The following CTDP1 variants were observed in gnomAD, a reference collection of about 807,000 sequenced individuals.
CTDP1 encodes RNA polymerase II subunit A C-terminal domain phosphatase.
CTDP1 carries 47 observed loss-of-function variants against 91.8 expected under a neutral mutation model. That is an observed-to-expected ratio of 0.51 (90% CI 0.41 to 0.65). CTDP1 has a LOEUF of 0.65. Among genes scored for constraint, CTDP1 ranks in the 30% least tolerant of loss-of-function variants. The probability of loss-of-function intolerance (pLI) is 0.00; values close to 1 mark genes in which losing one functional copy is unlikely to be tolerated. For missense variants in CTDP1, 1,272 were observed against 1,373.7 expected, an observed-to-expected ratio of 0.93 and a Z score of 1.17; for synonymous variants, 656 against 598.5, an observed-to-expected ratio of 1.10 and a Z score of -1.40.
rs530806 is a variant in CTDP1, at chr18:79,707,811, C to G, written c.773-2535C>G. Among the ~76,000 whole-genome samples, 672 of 152,096 alleles carry G rather than the reference C, an allele frequency of 4.4e-3. 3 individuals carry two copies. The highest frequency in any genetic ancestry group is 0.015 in the African/African-American group (606 of 41,498). The stretch of plus-strand genomic sequence containing the variant: ...TACAAGTGAGAAAGTGAGGTCCGGA[C>G]TGAAGCCTGAGGTGGTCGCCGAGCA... On this transcript the variant is annotated intron_variant, in intron 5 of 12. Transcript: ENST00000613122.
chr18:79,690,420 T>A (rs1247447727), intron 1 of CTDP1, among the ~76,000 whole-genome samples: 1 of 152,236 alleles, frequency 6.6e-6, no homozygotes, highest in African/African-American at 2.4e-5. Flanking sequence ...GGTGACTGAT[T>A]GGACGTTTTT....
At chr18:79,738,034 G>A (rs909786933) in intron 12 of CTDP1, among the ~76,000 whole-genome samples, 7 of 7,306 alleles carry the variant, frequency 9.6e-4, no homozygotes, top group East Asian at 6.2e-3. Context: ...CCCCCCGCCC[G>A]CCCTGCTCAC....
At chr18:79,697,333 G>A (rs1298652917) in intron 3 of CTDP1, among the ~76,000 whole-genome samples, 3 of 117,322 alleles carry the variant, frequency 2.6e-5, no homozygotes, top group South Asian at 2.4e-4. Flanking sequence ...CGGGGTGACC[G>A]GGCCCTTGTT....
chr18:79,695,353 G>T (rs756533942), intron 2 of CTDP1, 45 bp downstream of exon 2: 1 of 1,575,962 alleles, frequency 6.3e-7, no homozygotes, highest in Non-Finnish European at 8.7e-7. Flanking sequence ...GGGGCTCGAG[G>T]TGGTGGCCTC....
intron 4 of CTDP1, among the ~76,000 whole-genome samples, chr18:79,703,978 T>C (rs989858421): frequency 2.6e-5 from 4 of 152,098 alleles, no homozygotes; most frequent in African/African-American, 9.7e-5. Flanking sequence ...GAGTAGTTAG[T>C]GTAGCTGTCA....
intron 12 of CTDP1, among the ~76,000 whole-genome samples, chr18:79,747,204 G>A (rs1683827909): frequency 6.6e-6 from 1 of 152,202 alleles, no homozygotes; most frequent in Non-Finnish European, 1.5e-5. Context: ...CCCCGGCCTG[G>A]CAGCAGGCTC....
At chr18:79,726,779 G>A (rs2086452043) in intron 10 of CTDP1, among the ~76,000 whole-genome samples, 1 of 148,180 alleles carries the variant, frequency 6.7e-6, no homozygotes, top group Non-Finnish European at 1.5e-5. Flanking sequence ...ACCATTGCTG[G>A]TGGACGGCTG....
At chr18:79,732,322 GAACT>G (rs965437172) in intron 11 of CTDP1, among the ~76,000 whole-genome samples, 4 of 146,262 alleles carry the variant, frequency 2.7e-5, no homozygotes, top group African/African-American at 7.6e-5. Context: ...TGAGACATGA[GAACT>G]AACATCAGGA....
intron 11 of CTDP1, 73 bp downstream of exon 11, chr18:79,729,142 G>A: frequency 1.9e-6 from 3 of 1,595,110 alleles, no homozygotes; most frequent in Non-Finnish European, 2.6e-6. Flanking sequence ...TGTGCGGGCG[G>A]ATTGCTGAGC....
At chr18:79,753,167 G>T (rs1227183124) in intron 12 of CTDP1, among the ~76,000 whole-genome samples, 2 of 152,268 alleles carry the variant, frequency 1.3e-5, no homozygotes, top group Non-Finnish European at 2.9e-5. Context: ...AGTGGCACCG[G>T]CTGGTTATGC....
At chr18:79,751,965 A>G (rs1188686659) in intron 12 of CTDP1, among the ~76,000 whole-genome samples, 1 of 152,242 alleles carries the variant, frequency 6.6e-6, no homozygotes, top group African/African-American at 2.4e-5. Flanking sequence ...TCAGGGTAAA[A>G]TCAAAACAGG....
intron 1 of CTDP1, among the ~76,000 whole-genome samples, chr18:79,693,019 G>A (rs185202334): frequency 2.0e-5 from 3 of 152,214 alleles, no homozygotes; most frequent in Admixed American, 6.5e-5. Context: ...GTGGATGGAC[G>A]AAAACAGCTC....
chr18:79,703,509 G>A (rs1226755252), intron 4 of CTDP1: 1 of 152,200 alleles, frequency 6.6e-6, no homozygotes, highest in Admixed American at 6.5e-5. Flanking sequence ...CTTTTATGTT[G>A]TATATGTAGA....
chr18:79,746,795 T>A (rs1015973380), intron 12 of CTDP1, among the ~76,000 whole-genome samples: 5 of 152,100 alleles, frequency 3.3e-5, no homozygotes, highest in African/African-American at 1.2e-4. Flanking sequence ...GTTTTTAAAA[T>A]TTTTTTGTAG....
At chr18:79,738,183 G>C (rs2086705329) in intron 12 of CTDP1, among the ~76,000 whole-genome samples, 1 of 152,186 alleles carries the variant, frequency 6.6e-6, no homozygotes. Flanking sequence ...GTAACCCCAG[G>C]TGGCAGCATC....
rs201792595 is a variant in CTDP1 at position 79,722,469 on chromosome 18, ATTAC to A, written c.2417+4456_2417+4459del. On this transcript the variant is annotated intron_variant, in intron 10 of 12. Coordinates refer to ENST00000613122, the MANE Select transcript of CTDP1 (RefSeq NM_004715.5). ...GTGTAATTTGCACCAAAATATCAAT[ATTAC>A]TTCAGTTAATACCAGCTCATTTATA... is the stretch of plus-strand genomic sequence containing the variant. Among the ~76,000 whole-genome samples, 1,054 of 152,338 alleles carry A rather than the reference ATTAC, an allele frequency of 6.9e-3. 10 individuals carry two copies. Among genetic ancestry groups the A allele is most frequent in the African/African-American group, 0.022 (930 of 41,580 alleles).
chr18:79,679,638 C>T (rs2122315761), upstream of CTDP1: 1 of 495,560 alleles, frequency 2.0e-6, no homozygotes, highest in Non-Finnish European at 3.9e-6. Flanking sequence ...ACGGTGCCGG[C>T]GCTCCGAGGA....
chr18:79,713,908 T>G lies in CTDP1; in HGVS notation c.1031-583T>G, dbSNP rs533247463. 2.8e-5 allele frequency among the ~76,000 whole-genome samples: 4 copies of G among 145,006 alleles called. No individual in the cohort carries two copies. The highest frequency in any genetic ancestry group is 3.1e-5 in the Non-Finnish European group (2 of 65,130). The stretch of plus-strand genomic sequence containing the variant: ...CTTACGGCCACGGTGGCGCCAGGTC[T>G]GCAGGGGCTTACGGCCACGGTGGCG... On this transcript the variant is annotated intron_variant, in intron 7 of 12. Coordinates refer to ENST00000613122, the MANE Select transcript of CTDP1 (RefSeq NM_004715.5). This position sits in a 1 kb window ranked among gnomAD's most constrained non-coding sequence, Gnocchi z 4.7.
At chr18:79,684,380 C>T (rs554756058) in intron 1 of CTDP1, among the ~76,000 whole-genome samples, 4 of 152,340 alleles carry the variant, frequency 2.6e-5, no homozygotes, top group African/African-American at 9.6e-5. Flanking sequence ...AGCTTAGTGT[C>T]GGTTACTGAG....
Sources: allele counts gnomAD v4.1 joint callset (sites outside exome capture counted in the v4.1 genomes callset), GRCh38; gene constraint gnomAD v4.1.1; non-coding constraint Gnocchi (gnomAD v3.1); transcripts MANE v1.5; gene names NCBI Gene and HGNC (gene_info 2026-07-23, HGNC 2026-07-21).